The following MYT1L variants were observed in gnomAD, a reference collection of about 807,000 sequenced individuals.
MYT1L encodes myelin transcription factor 1 like.
A neutral mutation model predicts 126.7 loss-of-function variants in MYT1L; 12 were observed. The ratio of observed to expected loss-of-function variants is 0.09; its 90% CI spans 0.06 to 0.15. The LOEUF (loss-of-function observed/expected upper bound fraction) is 0.15. MYT1L is among the 10% of genes least tolerant of loss of function. The pLI is 1.00. For synonymous variants in MYT1L, 541 were observed against 604.2 expected (o/e 0.90, Z 1.53); for missense variants, 979 against 1,585.2 (o/e 0.62, Z 6.49).
At position 1,887,600 on chromosome 2, in the gene MYT1L, A is replaced by C. The variant is rs746422389; in HGVS notation, c.2530T>G (p.Leu844Val). ...DESKDITPED[L>V]DPFQEALEER... ...TCTAGAGCCTCCTGGAATGGGTCCA[A>C]GTCTTCTGGCTGTGGGCAAAACACA... is the stretch of plus-strand genomic sequence containing the variant. The change falls in exon 17 of 25, where the codon TTG becomes GTG. Residue 844 changes from leucine (L) to valine (V), a missense_variant. This residue lies in a region of MYT1L where 141 missense variants were observed against 170.6 expected (regional missense o/e 0.83). Coordinates refer to ENST00000647738, the MANE Select transcript of MYT1L (RefSeq NM_001303052.2). The surrounding 1 kb of genome is among the most constrained non-coding windows in gnomAD (Gnocchi z 4.8). 21 of 1,613,860 alleles carry C rather than the reference A, an allele frequency of 1.3e-5. No individual in the cohort carries two copies. Among genetic ancestry groups the C allele is most frequent in the Non-Finnish European group, 1.7e-5 (20 of 1,179,898 alleles).
intron 4 of MYT1L, among the ~76,000 whole-genome samples, chr2:2,049,503 CA>C (rs1187531977): frequency 1.3e-5 from 2 of 152,108 alleles, no homozygotes; most frequent in East Asian, 3.9e-4. Context: ...TAATGTTAGA[CA>C]AATTATTTAA....
intron 8 of MYT1L, among the ~76,000 whole-genome samples, chr2:1,947,991 C>T (rs911821632): frequency 7.9e-5 from 12 of 152,232 alleles, no homozygotes; most frequent in Admixed American, 2.6e-4. Flanking sequence ...TTTGAGCACC[C>T]GGACTCCGGC....
At chr2:2,131,457 T>C (rs1451220271) in intron 3 of MYT1L, among the ~76,000 whole-genome samples, 2 of 152,182 alleles carry the variant, frequency 1.3e-5, no homozygotes, top group Non-Finnish European at 2.9e-5. Flanking sequence ...TGTCATTTTA[T>C]TGGTGAAAGG....
Position 2,237,959 on chromosome 2 carries a change from C to G in MYT1L, c.-421+46445G>C, listed in dbSNP as rs73913271. Reference sequence around the variant, plus strand: ...CAGGTTGTTTAAAGAGCGGGGCACACGTGCAAACACCACAGGCTTTCACTT... The same window carrying G: ...CAGGTTGTTTAAAGAGCGGGGCACAGGTGCAAACACCACAGGCTTTCACTT... On this transcript the variant is annotated intron_variant, in intron 2 of 24. Transcript: ENST00000647738. Among the ~76,000 whole-genome samples, 1,125 of 152,300 alleles carry G rather than the reference C, an allele frequency of 7.4e-3. 12 individuals carry two copies. The highest frequency in any genetic ancestry group is 0.025 in the African/African-American group (1,045 of 41,554).
intron 21 of MYT1L, among the ~76,000 whole-genome samples, chr2:1,821,328 C>A (rs576494223): frequency 3.3e-5 from 5 of 151,942 alleles, no homozygotes; most frequent in African/African-American, 9.7e-5. Context: ...TTAACAAAAT[C>A]TTTTATCTTC....
intron 18 of MYT1L, among the ~76,000 whole-genome samples, chr2:1,864,443 T>G (rs2045177481): frequency 6.6e-6 from 1 of 152,190 alleles, no homozygotes; most frequent in Admixed American, 6.5e-5. Flanking sequence ...CAGCTAGGCA[T>G]GTGCCGACTT....
At chr2:1,886,722 T>G (rs998496862) in intron 17 of MYT1L, 115 bp from the exon 18 acceptor site, 8 of 498,116 alleles carry the variant, frequency 1.6e-5, no homozygotes, top group Non-Finnish European at 2.7e-5. Flanking sequence ...AATGGGCAAG[T>G]GCTGTATATT....
chr2:2,049,995 C>T (rs1402307991), intron 4 of MYT1L, among the ~76,000 whole-genome samples: 1 of 151,554 alleles, frequency 6.6e-6, no homozygotes, highest in African/African-American at 2.4e-5. Flanking sequence ...ATAGTACTAA[C>T]TTCATAGGGG....
intron 1 of MYT1L, among the ~76,000 whole-genome samples, chr2:2,295,565 C>CAGAGAGAGAGAGAGAGAGACAGACAG (rs2095661325): frequency 3.0e-5 from 1 of 33,836 alleles, no homozygotes; most frequent in African/African-American, 1.3e-4. Flanking sequence ...GACAGACAGA[C>CAGAGAGAGAGAGAGAGAGACAGACAG]AGAGAGAGAG....
At chr2:2,012,612 G>A (rs2063942547) in intron 4 of MYT1L, among the ~76,000 whole-genome samples, 1 of 152,158 alleles carries the variant, frequency 6.6e-6, no homozygotes, top group African/African-American at 2.4e-5. Context: ...GGTCAACAAT[G>A]GTCCAAAAAT....
At chr2:1,942,612 T>C (rs2056779895) in intron 9 of MYT1L, among the ~76,000 whole-genome samples, 1 of 152,204 alleles carries the variant, frequency 6.6e-6, no homozygotes, top group Non-Finnish European at 1.5e-5. Flanking sequence ...TGTTTTGCCC[T>C]TTGCCCAATC....
intron 21 of MYT1L, among the ~76,000 whole-genome samples, chr2:1,837,888 TC>T (rs1184141782): frequency 1.5e-4 from 16 of 108,114 alleles, no homozygotes; most frequent in African/African-American, 7.7e-4. Flanking sequence ...TTTCTCTCTC[TC>T]TTTTTTTTTT....
At chr2:1,988,266 G>A (rs115872477) in intron 5 of MYT1L, among the ~76,000 whole-genome samples, 261 of 152,248 alleles carry the variant, frequency 1.7e-3, no homozygotes, top group African/African-American at 6.1e-3. Flanking sequence ...CCACATTCCC[G>A]CCTGCACCTC....
intron 5 of MYT1L, among the ~76,000 whole-genome samples, chr2:1,996,101 CTGAT>C (rs1380842886): frequency 3.3e-5 from 5 of 152,172 alleles, no homozygotes; most frequent in African/African-American, 7.2e-5. Flanking sequence ...GGTGTGCAGG[CTGAT>C]TGTTTTGACC....
chr2:2,020,482 G>T (rs2064921100), intron 4 of MYT1L, among the ~76,000 whole-genome samples: 2 of 152,192 alleles, frequency 1.3e-5, no homozygotes, highest in African/African-American at 4.8e-5. Flanking sequence ...CTTGACTGCT[G>T]ATTTCATGGT....
intron 3 of MYT1L, among the ~76,000 whole-genome samples, chr2:2,153,859 G>A (rs2086255264): frequency 6.6e-6 from 1 of 152,090 alleles, no homozygotes; most frequent in Non-Finnish European, 1.5e-5. Context: ...GCTGAGGGAG[G>A]GAACAGCAGA....
chr2:2,148,592 A>T (rs2148273168), intron 3 of MYT1L, among the ~76,000 whole-genome samples: 1 of 152,336 alleles, frequency 6.6e-6, no homozygotes, highest in East Asian at 1.9e-4. Flanking sequence ...AACCACAGAA[A>T]GGTGCCAAGG....
chr2:1,862,287 C>G (rs1400988772), intron 18 of MYT1L, among the ~76,000 whole-genome samples: 1 of 152,008 alleles, frequency 6.6e-6, no homozygotes, highest in African/African-American at 2.4e-5. Flanking sequence ...ATCAAAAAAT[C>G]TTTATTTTGC....
chr2:1,879,538 C>T (rs558733217), intron 18 of MYT1L, among the ~76,000 whole-genome samples: 5 of 152,072 alleles, frequency 3.3e-5, no homozygotes, highest in Non-Finnish European at 7.3e-5. Flanking sequence ...TATGAAGAGA[C>T]CTCAAACAAT....
Sources: allele counts gnomAD v4.1 joint callset (sites outside exome capture counted in the v4.1 genomes callset), GRCh38; gene constraint gnomAD v4.1.1; regional missense constraint gnomAD v4.1.1; non-coding constraint Gnocchi (gnomAD v3.1); transcripts MANE v1.5; gene names NCBI Gene and HGNC (gene_info 2026-07-23, HGNC 2026-07-21).